The following ENTREP2 variants were observed in gnomAD, a reference collection of about 807,000 sequenced individuals.
ENTREP2 encodes protein ENTREP2.
chr15:29,348,109 G>A, the ENTREP2 span, among the ~76,000 whole-genome samples: 1 of 152,148 alleles, frequency 6.6e-6, no homozygotes, highest in Non-Finnish European at 1.5e-5. Flanking sequence ...TTGCACTAGA[G>A]TTTGAAAAAA....
chr15:29,160,230 C>G, the ENTREP2 span, among the ~76,000 whole-genome samples: 5 of 152,236 alleles, frequency 3.3e-5, no homozygotes, highest in Non-Finnish European at 7.3e-5. Context: ...AAGTACCACG[C>G]GCAGCCCCGG....
chr15:29,127,128 C>T, the ENTREP2 span, among the ~76,000 whole-genome samples: 1 of 152,196 alleles, frequency 6.6e-6, no homozygotes, highest in East Asian at 1.9e-4. Context: ...TTCTGATGCC[C>T]TCCAAACTGT....
chr15:29,226,556 T>C, the ENTREP2 span, among the ~76,000 whole-genome samples: 2 of 152,208 alleles, frequency 1.3e-5, no homozygotes, highest in Non-Finnish European at 2.9e-5. Flanking sequence ...GGAACAGAGA[T>C]GAAGACTTCA....
At chr15:29,547,574 T>C in the ENTREP2 span, among the ~76,000 whole-genome samples, 1 of 152,146 alleles carries the variant, frequency 6.6e-6, no homozygotes, top group South Asian at 2.1e-4. Context: ...ACAACAACAA[T>C]AACAAAACAT....
the ENTREP2 span, among the ~76,000 whole-genome samples, chr15:29,257,202 T>C: frequency 6.6e-6 from 1 of 152,214 alleles, no homozygotes; most frequent in East Asian, 1.9e-4. Context: ...GCCTCTCAAG[T>C]AGCTGGGATT....
chr15:29,335,296 T>G, the ENTREP2 span, among the ~76,000 whole-genome samples: 1 of 152,188 alleles, frequency 6.6e-6, no homozygotes, highest in Non-Finnish European at 1.5e-5. Flanking sequence ...TGAAATTCCA[T>G]TAAAGATGCT....
At chr15:29,402,509 C>T in the ENTREP2 span, among the ~76,000 whole-genome samples, 1 of 152,062 alleles carries the variant, frequency 6.6e-6, no homozygotes, top group Admixed American at 6.6e-5. Flanking sequence ...GAGGGTTTCA[C>T]TATGTTGCCC....
the ENTREP2 span, among the ~76,000 whole-genome samples, chr15:29,457,930 A>G: frequency 6.6e-6 from 1 of 152,196 alleles, no homozygotes; most frequent in Non-Finnish European, 1.5e-5. Context: ...CAAGAGGACC[A>G]GCTGTCTCAG....
the ENTREP2 span, among the ~76,000 whole-genome samples, chr15:29,233,445 T>C: frequency 6.6e-6 from 1 of 152,238 alleles, no homozygotes. Flanking sequence ...ATATCCATTA[T>C]AATTTTGTTA....
At chr15:29,324,949 C>G in the ENTREP2 span, among the ~76,000 whole-genome samples, 2,193 of 152,212 alleles carry the variant, frequency 0.014, 62 homozygotes, top group African/African-American at 0.05. Flanking sequence ...GGCCAGAGAA[C>G]ACACGTAGAC....
the ENTREP2 span, among the ~76,000 whole-genome samples, chr15:29,528,296 T>C: frequency 6.7e-6 from 1 of 148,428 alleles, no homozygotes; most frequent in African/African-American, 2.5e-5. Flanking sequence ...AACCTCAAAG[T>C]CCTTCAAAAT....
At chr15:29,470,530 C>T in the ENTREP2 span, among the ~76,000 whole-genome samples, 5,015 of 152,302 alleles carry the variant, frequency 0.033, 98 homozygotes, top group Middle Eastern at 0.088. Context: ...CATCCTTCAC[C>T]GCGGCTGCCG....
the ENTREP2 span, among the ~76,000 whole-genome samples, chr15:29,312,000 T>C: frequency 7.2e-5 from 11 of 152,310 alleles, no homozygotes; most frequent in South Asian, 1.9e-3. Context: ...TCAGCATTCA[T>C]TCCTATGAGA....
chr15:29,369,393 G>C, the ENTREP2 span, among the ~76,000 whole-genome samples: 2 of 151,560 alleles, frequency 1.3e-5, no homozygotes, highest in Non-Finnish European at 2.9e-5. Context: ...TTTCTCATTA[G>C]AAAACATGCA....
At chr15:29,166,642 T>C in the ENTREP2 span, among the ~76,000 whole-genome samples, 1 of 151,812 alleles carries the variant, frequency 6.6e-6, no homozygotes, top group Admixed American at 6.6e-5. Context: ...CAAGAAAAAC[T>C]ACAAAACACT....
chr15:29,602,336 T>C, the ENTREP2 span, among the ~76,000 whole-genome samples: 2 of 152,048 alleles, frequency 1.3e-5, no homozygotes, highest in African/African-American at 2.4e-5. Flanking sequence ...TAACACAGTA[T>C]TGAAAGTCAA....
chr15:29,120,918 C>G, the ENTREP2 span: 3 of 152,426 alleles, frequency 2.0e-5, no homozygotes, highest in East Asian at 5.8e-4. Context: ...AGCACATTCC[C>G]TAGTCTACCA....
the ENTREP2 span, among the ~76,000 whole-genome samples, chr15:29,345,727 G>T: frequency 6.6e-6 from 1 of 150,782 alleles, no homozygotes; most frequent in East Asian, 2.0e-4. Context: ...TCCTTGTCCT[G>T]GGCTCTGCTT....
chr15:29,520,490 T>C, the ENTREP2 span, among the ~76,000 whole-genome samples: 1 of 152,086 alleles, frequency 6.6e-6, no homozygotes, highest in African/African-American at 2.4e-5. Context: ...TCAATATTTT[T>C]CACCAAGAAA....
Sources: gnomAD v4.1 joint callset for allele counts (sites outside exome capture counted in the v4.1 genomes callset) on GRCh38, gnomAD v4.1.1 for gene constraint, MANE v1.5 for transcripts, NCBI Gene and HGNC (gene_info 2026-07-23, HGNC 2026-07-21) for gene names.